ASTN2: variants seen among roughly 807,000 people sequenced by gnomAD.
ASTN2 encodes astrotactin-2.
Under a neutral mutation model 139.8 loss-of-function variants are expected in ASTN2, and 54 were observed. The observed-to-expected ratio is 0.39, with a 90% CI of 0.31 to 0.48. The LOEUF (loss-of-function observed/expected upper bound fraction) is 0.48, where lower values mean the gene tolerates loss of function less well. ASTN2 is among the 20% of genes least tolerant of loss of function. ASTN2 has a pLI of 0.95. For synonymous variants in ASTN2, 756 were observed against 719.5 expected, an observed-to-expected ratio of 1.05 and a Z score of -0.81; for missense variants, 1,565 against 1,725.1, an observed-to-expected ratio of 0.91 and a Z score of 1.64.
At chr9:117,298,718 GTGTGTGTGTGTGTGTA>G (rs1228282123) in intron 1 of ASTN2, among the ~76,000 whole-genome samples, 1 of 141,554 alleles carries the variant, frequency 7.1e-6, no homozygotes, top group Admixed American at 7.2e-5. Flanking sequence ...GTGTGTGTGT[GTGTGTGTGTGTGTGTA>G]TATATATATA....
At chr9:116,951,337 CA>C (rs386416039) in intron 10 of ASTN2, among the ~76,000 whole-genome samples, 5,470 of 32,858 alleles carry the variant, frequency 0.17, 19 homozygotes, top group East Asian at 0.25. Context: ...AACTCTGTCT[CA>C]AAAAAAAAAA....
At chr9:116,862,064 C>T (rs1315120885) in intron 11 of ASTN2, among the ~76,000 whole-genome samples, 1 of 149,692 alleles carries the variant, frequency 6.7e-6, no homozygotes, top group African/African-American at 2.5e-5. Flanking sequence ...TTCTAATTGC[C>T]CATTCACATC....
In ASTN2 at chr9:117,137,297, C is replaced by T. The variant is rs150180575; in HGVS notation, c.1168+4029G>A. On this transcript the variant is annotated intron_variant, in intron 4 of 22. Transcript: ENST00000313400. The stretch of plus-strand genomic sequence containing the variant: ...TGCTCAATTCCATGGCACTGGTTCT[C>T]GGCTACCCATTCCATCTTCTGGAAA... Among the ~76,000 whole-genome samples, 740 of 152,264 alleles carry T rather than the reference C, an allele frequency of 4.9e-3. 27 individuals are homozygous for T. Among genetic ancestry groups the T allele is most frequent in the Admixed American group, 0.044 (672 of 15,296 alleles).
intron 3 of ASTN2, among the ~76,000 whole-genome samples, chr9:117,167,963 G>A (rs950509618): frequency 5.3e-5 from 8 of 152,136 alleles, no homozygotes; most frequent in Admixed American, 3.9e-4. Flanking sequence ...GGTTATCAAG[G>A]TGGCTTTGAA....
chr9:116,711,193 G>A (rs993940203), intron 16 of ASTN2, among the ~76,000 whole-genome samples: 3 of 152,148 alleles, frequency 2.0e-5, no homozygotes, highest in Non-Finnish European at 2.9e-5. Flanking sequence ...CTGCTCTGGC[G>A]ACTATGCCTA....
chr9:116,766,648 C>T lies in ASTN2; in HGVS notation c.2397-33125G>A, dbSNP rs867912717. On this transcript the variant is annotated intron_variant, in intron 13 of 22. Transcript: ENST00000313400. ...AGTCAGATACCCGTAAATGCACCCA[C>T]ATTCGCACTCACATACACAAATACA... 2.6e-5 allele frequency among the ~76,000 whole-genome samples: 4 copies of T among 152,048 alleles called. No homozygotes were observed. In the South Asian group the frequency reaches 6.2e-4, roughly 24 times the overall value.
intron 3 of ASTN2, among the ~76,000 whole-genome samples, chr9:117,147,438 A>AACAC (rs35703147): frequency 0.041 from 6,137 of 148,310 alleles, 217 homozygotes; most frequent in African/African-American, 0.086. Flanking sequence ...TCTGACTCAA[A>AACAC]ACACACACAC....
At chr9:117,396,010 C>T (rs1232068077) in intron 1 of ASTN2, among the ~76,000 whole-genome samples, 1 of 152,148 alleles carries the variant, frequency 6.6e-6, no homozygotes, top group Non-Finnish European at 1.5e-5. Context: ...ACAGTTTTCT[C>T]ATCTATAAAA....
chr9:116,740,478 C>A (rs544641576), intron 13 of ASTN2, among the ~76,000 whole-genome samples: 1 of 151,948 alleles, frequency 6.6e-6, no homozygotes, highest in Admixed American at 6.6e-5. Flanking sequence ...AGCTTCAATG[C>A]GTGAAGAGGA....
chr9:117,307,121 G>A (rs923915720), intron 1 of ASTN2, among the ~76,000 whole-genome samples: 1 of 152,142 alleles, frequency 6.6e-6, no homozygotes, highest in Non-Finnish European at 1.5e-5. Flanking sequence ...TTCAACCGGG[G>A]GAACACACCC....
intron 3 of ASTN2, among the ~76,000 whole-genome samples, chr9:117,203,487 T>C (rs1831801495): frequency 6.6e-6 from 1 of 152,174 alleles, no homozygotes; most frequent in African/African-American, 2.4e-5. Flanking sequence ...CTAGTTTTAG[T>C]CTTTGAGGCT....
At chr9:116,471,986 C>T (rs527367793) in intron 20 of ASTN2, among the ~76,000 whole-genome samples, 1 of 152,134 alleles carries the variant, frequency 6.6e-6, no homozygotes, top group African/African-American at 2.4e-5. Context: ...CATGCCATGA[C>T]CTCCATCGTC....
chr9:116,752,018 CA>C (rs1408975519), intron 13 of ASTN2, among the ~76,000 whole-genome samples: 1 of 152,060 alleles, frequency 6.6e-6, no homozygotes, highest in Non-Finnish European at 1.5e-5. Flanking sequence ...TTTGAAAAGG[CA>C]AAAGACCCAG....
chr9:116,890,137 C>T (rs1043407543), intron 10 of ASTN2, among the ~76,000 whole-genome samples: 1 of 152,086 alleles, frequency 6.6e-6, no homozygotes, highest in African/African-American at 2.4e-5. Flanking sequence ...GCAGGGGGAG[C>T]GAGAAATGTG....
At chr9:117,340,420 A>T (rs1429557225) in intron 1 of ASTN2, among the ~76,000 whole-genome samples, 1 of 151,466 alleles carries the variant, frequency 6.6e-6, no homozygotes, top group Non-Finnish European at 1.5e-5. Context: ...GCCTGGCAGG[A>T]ACACCGGTTA....
intron 1 of ASTN2, among the ~76,000 whole-genome samples, chr9:117,412,739 G>A (rs1010251998): frequency 4.6e-5 from 7 of 152,154 alleles, no homozygotes; most frequent in African/African-American, 1.7e-4. Flanking sequence ...GAGATCTAAA[G>A]GATGAAGGGA....
intron 4 of ASTN2, among the ~76,000 whole-genome samples, chr9:117,102,721 CGT>C (rs921209970): frequency 2.7e-4 from 41 of 152,088 alleles, no homozygotes; most frequent in East Asian, 3.9e-4. Context: ...GGGGATTCAC[CGT>C]GTTGGCCAGG....
intron 16 of ASTN2, among the ~76,000 whole-genome samples, chr9:116,660,632 C>A (rs887547963): frequency 1.6e-4 from 24 of 152,180 alleles, no homozygotes; most frequent in African/African-American, 5.3e-4. Context: ...AATTCTTGTA[C>A]ATGTCTGAAT....
intron 13 of ASTN2, among the ~76,000 whole-genome samples, chr9:116,770,713 G>C (rs116528027): frequency 6.6e-6 from 1 of 151,970 alleles, no homozygotes; most frequent in African/African-American, 2.4e-5. Context: ...CAAATTGTTA[G>C]TTTCCTGTTC....
Sources: gnomAD v4.1 joint callset for allele counts (sites outside exome capture counted in the v4.1 genomes callset) on GRCh38, gnomAD v4.1.1 for gene constraint, MANE v1.5 for transcripts, NCBI Gene and HGNC (gene_info 2026-07-23, HGNC 2026-07-21) for gene names.